Variants in NR4A3 observed in about 807,000 individuals in gnomAD.
NR4A3 encodes nuclear receptor subfamily 4 group A member 3, also known as chondrosarcoma, extraskeletal myxoid, fused to EWS.
NR4A3 carries 13 observed loss-of-function variants against 55.6 expected under a neutral mutation model. The observed-to-expected ratio is 0.23, with a 90% CI of 0.15 to 0.37. The LOEUF is 0.37. NR4A3 is among the 10% of genes least tolerant of loss of function. NR4A3 has a pLI of 1.00. For synonymous variants in NR4A3, 342 were observed against 357.9 expected (o/e 0.96, Z 0.50); for missense variants, 646 against 822.8 (o/e 0.79, Z 2.63).
intron 2 of NR4A3, among the ~76,000 whole-genome samples, chr9:99,826,254 A>T (rs528048532): frequency 6.6e-6 from 1 of 152,346 alleles, no homozygotes; most frequent in East Asian, 1.9e-4. Flanking sequence ...ATTGAAGCTC[A>T]GAGGGAAGGA....
chr9:99,849,098 C>CT (rs1477426652), intron 7 of NR4A3, among the ~76,000 whole-genome samples: 2 of 152,230 alleles, frequency 1.3e-5, no homozygotes, highest in African/African-American at 2.4e-5. Flanking sequence ...CAGATGGCCC[C>CT]TTCTTTCTGT....
intron 3 of NR4A3, 55 bp from the exon 4 acceptor site, chr9:99,832,634 G>C (rs1827466670): frequency 1.4e-6 from 2 of 1,436,672 alleles, no homozygotes; most frequent in Middle Eastern, 3.7e-4. Context: ...ATCTTGTCAG[G>C]TCCTACCTCT....
chr9:99,831,143 A>G (rs1247153134), intron 3 of NR4A3, among the ~76,000 whole-genome samples: 1 of 152,234 alleles, frequency 6.6e-6, no homozygotes, highest in African/African-American at 2.4e-5. Context: ...CTGTCCTTAA[A>G]CACAAATGTA....
intron 5 of NR4A3, among the ~76,000 whole-genome samples, chr9:99,843,757 A>AT (rs58346950): frequency 1.8e-3 from 254 of 144,420 alleles, no homozygotes; most frequent in East Asian, 3.7e-3. Flanking sequence ...TGAGATTGTC[A>AT]TTTTTTTTTT....
At chr9:99,857,012 T>G (rs1489937716) in intron 7 of NR4A3, among the ~76,000 whole-genome samples, 1 of 152,184 alleles carries the variant, frequency 6.6e-6, no homozygotes, top group Non-Finnish European at 1.5e-5. Flanking sequence ...TAAATAAACT[T>G]GGAAGTACCT....
chr9:99,863,030 G>T (rs1828034917), intron 7 of NR4A3, among the ~76,000 whole-genome samples: 2 of 152,158 alleles, frequency 1.3e-5, no homozygotes, highest in African/African-American at 2.4e-5. Flanking sequence ...GTGCTGGTTA[G>T]CATGAAAACA....
Position 99,828,331 on chromosome 9 carries a change from C to T in NR4A3, c.289C>T (p.His97Tyr), listed in dbSNP as rs1827354098. ...GGGGCGGGCGCCCAGCTACCATCAC[C>T]ATCACCACCACCACCACCACCACCA... ...EEGRAPSYHH[H>Y]HHHHHHHHHH... is the part of the protein sequence containing the mutation. Residue 97 changes from histidine to tyrosine, a missense_variant, in exon 3 of 8, where the codon CAT becomes TAT. By Grantham distance (83) the His-to-Tyr change is moderately conservative (BLOSUM62 2). Transcript: ENST00000395097. This position sits in a 1 kb window ranked among gnomAD's most constrained non-coding sequence, Gnocchi z 7.7. 6.2e-7 allele frequency: 1 copy of T among 1,609,398 alleles called. No individual in the cohort carries two copies. The highest frequency in any genetic ancestry group is 1.1e-5 in the South Asian group (1 of 90,560).
chr9:99,832,980 C>T (rs1350518604), intron 4 of NR4A3, among the ~76,000 whole-genome samples, 162 bp downstream of exon 4: 1 of 152,056 alleles, frequency 6.6e-6, no homozygotes, highest in Non-Finnish European at 1.5e-5. Context: ...TAACTGAGGA[C>T]TATTTATTCT....
intron 7 of NR4A3, among the ~76,000 whole-genome samples, chr9:99,859,444 A>C (rs755229086): frequency 2.6e-5 from 4 of 152,224 alleles, no homozygotes; most frequent in Non-Finnish European, 4.4e-5. Flanking sequence ...GTTTGCATGG[A>C]GACTGAATAT....
At position 99,828,882 on chromosome 9, in the gene NR4A3, GC is replaced by G; in HGVS notation, c.843del (p.Ser282AlafsTer55). On this transcript the variant is annotated frameshift_variant, in exon 3 of 8. Transcript: ENST00000395097. LOFTEE classifies it high-confidence loss of function. This position sits in a 1 kb window ranked among gnomAD's most constrained non-coding sequence, Gnocchi z 7.7. ...LGESPSLPSP[P>X]SRSSSSGEGT... ...GCGAGAGTCCCAGCCTGCCGTCGCC[GC>G]CCAGCAGGAGCTCGTCGTCTGGCGA... 1 of 1,504,010 alleles carries G rather than the reference GC, an allele frequency of 6.6e-7. No individual in the cohort carries two copies. The highest frequency in any genetic ancestry group is 8.8e-7 in the Non-Finnish European group (1 of 1,130,568). The allele number at this position is 1,504,010 out of a possible 1,614,324, so 93.2% of individuals were successfully genotyped here.
At chr9:99,824,451 A>C (rs1408963687) in intron 1 of NR4A3, among the ~76,000 whole-genome samples, 1 of 152,174 alleles carries the variant, frequency 6.6e-6, no homozygotes, top group Non-Finnish European at 1.5e-5. Flanking sequence ...CCGTGGGAAG[A>C]TCCGCTTCTA....
At chr9:99,829,283 C>T (rs909005231) in intron 3 of NR4A3, among the ~76,000 whole-genome samples, 2 of 152,172 alleles carry the variant, frequency 1.3e-5, no homozygotes, top group African/African-American at 4.8e-5. Flanking sequence ...CTTAAAAGGA[C>T]CTGTGACTTC....
chr9:99,828,840 C>T lies in NR4A3; in HGVS notation c.798C>T (p.Thr266=). The T allele has an allele frequency of 2.7e-6, 4 of 1,493,090 alleles. No homozygotes were observed. The highest frequency in any genetic ancestry group is 3.6e-6 in the Non-Finnish European group (4 of 1,126,062). The allele number at this position is 1,493,090 out of a possible 1,614,324, so 92.5% of individuals were successfully genotyped here. Residue 266 remains threonine (T), a synonymous_variant, in exon 3 of 8, where the codon ACC becomes ACT. Coordinates refer to ENST00000395097, the MANE Select transcript of NR4A3 (RefSeq NM_006981.4). The surrounding 1 kb of genome is among the most constrained non-coding windows in gnomAD (Gnocchi z 7.7). ...FPPLGLTPSP[T]ASSLLGESPS... is the part of the protein sequence containing the mutation. Reference sequence around the variant, plus strand: ...CTCTCGGCCTCACGCCCTCCCCTACCGCGTCCAGCCTGCTGGGCGAGAGTC... The same window carrying T: ...CTCTCGGCCTCACGCCCTCCCCTACTGCGTCCAGCCTGCTGGGCGAGAGTC...
chr9:99,857,848 G>C (rs1330289889), intron 7 of NR4A3, among the ~76,000 whole-genome samples: 2 of 152,154 alleles, frequency 1.3e-5, no homozygotes, highest in African/African-American at 4.8e-5. Flanking sequence ...AAGCTTTGAT[G>C]TGGTAGGTTT....
At chr9:99,862,863 G>A (rs1307252070) in intron 7 of NR4A3, among the ~76,000 whole-genome samples, 1 of 152,126 alleles carries the variant, frequency 6.6e-6, no homozygotes, top group African/African-American at 2.4e-5. Context: ...TAACATGCCT[G>A]CACCACATCC....
rs1827202639 is a variant in NR4A3, at chr9:99,822,627, C to T, written c.-177+220C>T. On this transcript the variant is annotated intron_variant, in intron 1 of 7. Coordinates refer to ENST00000395097, the MANE Select transcript of NR4A3 (RefSeq NM_006981.4). The surrounding 1 kb of genome is among the most constrained non-coding windows in gnomAD (Gnocchi z 4.9). ...ATCTCTGGAGCTCGTGGGATTCCTCCCCCCACTCGAAGAGGCGAAAAGCCT... is the reference window on the plus strand; with the variant it reads ...ATCTCTGGAGCTCGTGGGATTCCTCTCCCCACTCGAAGAGGCGAAAAGCCT... 1.3e-5 allele frequency among the ~76,000 whole-genome samples: 2 copies of T among 152,288 alleles called. No homozygotes were observed. The highest frequency in any genetic ancestry group is 2.1e-4 in the South Asian group (1 of 4,824).
intron 3 of NR4A3, 123 bp downstream of exon 3, chr9:99,829,116 C>G (rs756473076): frequency 3.7e-5 from 42 of 1,120,812 alleles, no homozygotes; most frequent in Non-Finnish European, 4.7e-5. Context: ...ATCATGCTTT[C>G]CTACAGCCCT....
At chr9:99,826,737 T>A (rs1367859463) in intron 2 of NR4A3, 1 of 1,611,490 alleles carries the variant, frequency 6.2e-7, no homozygotes, top group East Asian at 2.2e-5. Context: ...CAGGCCCTCA[T>A]CACCTTTTTT....
At chr9:99,847,694 C>A in intron 7 of NR4A3, 79 bp downstream of exon 7, 1 of 1,340,602 alleles carries the variant, frequency 7.5e-7, no homozygotes, top group Admixed American at 2.1e-5. Flanking sequence ...TTGACCACTA[C>A]ACACACCAGA....
Sources: allele counts gnomAD v4.1 joint callset (sites outside exome capture counted in the v4.1 genomes callset), GRCh38; gene constraint gnomAD v4.1.1; non-coding constraint Gnocchi (gnomAD v3.1); transcripts MANE v1.5; gene names NCBI Gene and HGNC (gene_info 2026-07-23, HGNC 2026-07-21).